MALRD1: variants seen among roughly 807,000 people sequenced by gnomAD.
MALRD1 encodes MAM and LDL-receptor class A domain-containing protein 1.
MALRD1 carries 247 observed loss-of-function variants against 242.1 expected under a neutral mutation model. That is an observed-to-expected ratio of 1.02 (90% confidence interval 0.92 to 1.13). The LOEUF (loss-of-function observed/expected upper bound fraction) is 1.13. Ranked by LOEUF, MALRD1 falls within the 50% of genes most tolerant of loss-of-function variation. The pLI, the probability that MALRD1 is intolerant of heterozygous loss-of-function variation, is 0.00. For missense variants in MALRD1, 2,989 were observed against 2,533.1 expected (o/e 1.18, Z -3.86); for synonymous variants, 995 against 866.6 (o/e 1.15, Z -2.60).
chr10:19,697,455 A>C (rs1005786464), intron 38 of MALRD1, among the ~76,000 whole-genome samples: 3 of 151,896 alleles, frequency 2.0e-5, no homozygotes, highest in African/African-American at 7.3e-5. Flanking sequence ...AAGGTTAATC[A>C]TGTCTGAAAA....
chr10:19,294,561 A>G (rs565706392), intron 21 of MALRD1, among the ~76,000 whole-genome samples: 30 of 152,304 alleles, frequency 2.0e-4, no homozygotes, highest in African/African-American at 7.2e-4. Context: ...GAAAACTGTA[A>G]GTAGATGTAT....
chr10:19,141,860 C>T (rs1272975192), intron 10 of MALRD1, among the ~76,000 whole-genome samples: 1 of 151,930 alleles, frequency 6.6e-6, no homozygotes, highest in East Asian at 1.9e-4. Context: ...GATATTGTCT[C>T]TAGATGTCTT....
At chr10:19,454,804 G>T (rs1835558596) in intron 29 of MALRD1, among the ~76,000 whole-genome samples, 1 of 151,450 alleles carries the variant, frequency 6.6e-6, no homozygotes, top group Non-Finnish European at 1.5e-5. Flanking sequence ...TACTTTAGCT[G>T]CAAATAGGAA....
At chr10:19,460,451 A>AT (rs61481398) in intron 29 of MALRD1, among the ~76,000 whole-genome samples, 11 of 150,650 alleles carry the variant, frequency 7.3e-5, no homozygotes, top group African/African-American at 1.5e-4. Context: ...GCACACACAG[A>AT]TTTTTTTTTT....
intron 19 of MALRD1, among the ~76,000 whole-genome samples, chr10:19,258,979 C>T (rs982014160): frequency 1.3e-5 from 2 of 151,826 alleles, no homozygotes; most frequent in East Asian, 1.9e-4. Context: ...ACCCTCATTG[C>T]CCTCACCACT....
chr10:19,393,976 C>T (rs760199368), intron 28 of MALRD1, among the ~76,000 whole-genome samples: 1 of 152,188 alleles, frequency 6.6e-6, no homozygotes. Flanking sequence ...TCTTTTGGAA[C>T]TCTTCCATCT....
chr10:19,124,683 A>G lies in MALRD1; in HGVS notation c.943+13A>G, dbSNP rs1333629705. On this transcript the variant is annotated intron_variant, in intron 7 of 39. Transcript: ENST00000454679. The stretch of plus-strand genomic sequence containing the variant: ...GGTGATGATGAAGGTAGAAAAAAAA[A>G]TAATATCTTTTATGTATTACTTTCA... 8.1e-7 allele frequency: 1 copy of G among 1,233,408 alleles called. No homozygotes were observed. The allele number at this position is 1,233,408 out of a possible 1,614,324, so 76.4% of individuals were successfully genotyped here.
chr10:19,115,075 T>C (rs945375794), intron 5 of MALRD1, among the ~76,000 whole-genome samples: 9 of 152,168 alleles, frequency 5.9e-5, no homozygotes, highest in African/African-American at 1.9e-4. Context: ...TTGGGAGGCA[T>C]GATTTAGCCC....
At chr10:19,285,558 G>C (rs999399178) in intron 21 of MALRD1, among the ~76,000 whole-genome samples, 1 of 151,838 alleles carries the variant, frequency 6.6e-6, no homozygotes, top group African/African-American at 2.4e-5. Flanking sequence ...AGATCACATA[G>C]TTGTAGATAT....
At chr10:19,324,206 A>C (rs1588910509) in intron 22 of MALRD1, 101 bp downstream of exon 22, 1 of 1,119,950 alleles carries the variant, frequency 8.9e-7, no homozygotes, top group Middle Eastern at 2.0e-4. Flanking sequence ...GTGAAAATGG[A>C]CAATTACCAA....
In MALRD1 at chr10:19,267,363, T is replaced by C. The variant is rs187086109; in HGVS notation, c.3079+9592T>C. Among the ~76,000 whole-genome samples the C allele has an allele frequency of 5.3e-5, 8 of 152,204 alleles. No individual in the cohort carries two copies. The East Asian group carries it at 1.5e-3, about 29-fold the overall frequency. ...ATGATGCCTTCAAATTGATAAAATA[T>C]GATGACTATTTTAAGGATGCTTAAC... On this transcript the variant is annotated intron_variant, in intron 19 of 39. Transcript: ENST00000454679.
At position 19,331,308 on chromosome 10, in the gene MALRD1, G is replaced by A. The variant is rs186615383; in HGVS notation, c.3688-61G>A. On this transcript the variant is annotated intron_variant, in intron 23 of 39. Transcript: ENST00000454679. ...ACGATTGATGTGCTTGATACTTAGT[G>A]TTTGCCCAGGTTTTGAACTTCTTGA... The A allele has an allele frequency of 5.3e-6, 7 of 1,310,720 alleles. No individual in the cohort carries two copies. The East Asian group carries it at 1.8e-4, about 33-fold the overall frequency. 81.2% of individuals were successfully genotyped at this position (1,310,720 alleles called of 1,614,324 possible).
chr10:19,377,958 A>G (rs1280293203), intron 26 of MALRD1, among the ~76,000 whole-genome samples: 2 of 152,110 alleles, frequency 1.3e-5, no homozygotes, highest in Non-Finnish European at 2.9e-5. Context: ...TTCATTCACA[A>G]TTTTCACCAT....
At position 19,202,532 on chromosome 10, in the gene MALRD1, C is replaced by T. The variant is rs193223205; in HGVS notation, c.1952-1196C>T. ...ATAATTTTATTATTACATTAAAATG[C>T]CCTTATAATTTTAAATTTTGTAATC... On this transcript the variant is annotated intron_variant, in intron 14 of 39. Transcript: ENST00000454679. Among the ~76,000 whole-genome samples, 75 of 152,092 alleles carry T rather than the reference C, an allele frequency of 4.9e-4. 1 individual carries two copies. In the South Asian group the frequency reaches 0.012, roughly 24 times the overall value.
At chr10:19,305,907 TAC>T in intron 21 of MALRD1, among the ~76,000 whole-genome samples, 1 of 130,740 alleles carries the variant, frequency 7.6e-6, no homozygotes, top group African/African-American at 2.9e-5. Context: ...ATATACTATA[TAC>T]TATATTATAT....
At chr10:19,430,111 CTTT>C (rs1156254998) in intron 28 of MALRD1, among the ~76,000 whole-genome samples, 3 of 83,494 alleles carry the variant, frequency 3.6e-5, no homozygotes, top group Non-Finnish European at 6.4e-5. Flanking sequence ...CTCCATTTTC[CTTT>C]TTTTTTTTTT....
At chr10:19,147,792 G>C (rs12773103) in intron 11 of MALRD1, among the ~76,000 whole-genome samples, 58,275 of 151,986 alleles carry the variant, frequency 0.38, 11,471 homozygotes, top group Admixed American at 0.43. Context: ...GAAATGAGCA[G>C]TGAAGGGAAA....
chr10:19,367,530 G>C (rs1196729369), intron 26 of MALRD1, among the ~76,000 whole-genome samples: 1 of 152,024 alleles, frequency 6.6e-6, no homozygotes, highest in Non-Finnish European at 1.5e-5. Flanking sequence ...GGACACCTAG[G>C]CTGATTTCTT....
At chr10:19,366,927 T>C (rs1442992262) in intron 26 of MALRD1, among the ~76,000 whole-genome samples, 3 of 152,174 alleles carry the variant, frequency 2.0e-5, no homozygotes, top group African/African-American at 7.2e-5. Context: ...TCTTTAAGTT[T>C]AGCAATTCTA....
Sources: allele counts gnomAD v4.1 joint callset (sites outside exome capture counted in the v4.1 genomes callset), GRCh38; gene constraint gnomAD v4.1.1; transcripts MANE v1.5; gene names NCBI Gene and HGNC (gene_info 2026-07-23, HGNC 2026-07-21).